The following FOXP2 variants were observed in gnomAD, a reference collection of about 807,000 sequenced individuals.
FOXP2 encodes forkhead box protein P2.
Under a neutral mutation model 115.8 loss-of-function variants are expected in FOXP2, and 12 were observed. The observed-to-expected ratio is 0.10, with a 90% CI of 0.07 to 0.17. The LOEUF (loss-of-function observed/expected upper bound fraction) is 0.17, where lower values mean the gene tolerates loss of function less well. FOXP2 is among the 10% of genes least tolerant of loss of function. The pLI, the probability that FOXP2 is intolerant of heterozygous loss-of-function variation, is 1.00. For missense variants in FOXP2, 629 were observed against 843.5 expected (o/e 0.75, Z 3.15); for synonymous variants, 328 against 297.7 (o/e 1.10, Z -1.05).
intron 1 of FOXP2, among the ~76,000 whole-genome samples, chr7:114,108,948 A>G (rs550948793): frequency 6.6e-5 from 10 of 152,100 alleles, no homozygotes; most frequent in South Asian, 2.1e-4. Flanking sequence ...AGGCCTTCAC[A>G]TTTAACATAT....
chr7:114,619,854 A>G (rs1804150645), intron 3 of FOXP2, among the ~76,000 whole-genome samples: 1 of 152,104 alleles, frequency 6.6e-6, no homozygotes, highest in African/African-American at 2.4e-5. Flanking sequence ...TAGAAAAATG[A>G]TATCACCAAA....
intron 1 of FOXP2, among the ~76,000 whole-genome samples, chr7:114,417,556 G>A (rs571673320): frequency 6.6e-6 from 1 of 152,010 alleles, no homozygotes; most frequent in African/African-American, 2.4e-5. Context: ...ATGCAGTTAA[G>A]CAGTGGAATC....
intron 16 of FOXP2, among the ~76,000 whole-genome samples, chr7:114,682,243 C>T (rs180720157): frequency 2.0e-3 from 298 of 152,232 alleles, no homozygotes; most frequent in African/African-American, 6.1e-3. Flanking sequence ...CCACTATATT[C>T]TTAACCACTT....
chr7:114,480,447 GA>G (rs555049431), intron 2 of FOXP2, among the ~76,000 whole-genome samples: 2 of 150,614 alleles, frequency 1.3e-5, no homozygotes, highest in East Asian at 1.9e-4. Context: ...CTTTTATTCA[GA>G]AAAAAAAGAT....
At chr7:114,681,822 A>T (rs1466583768) in intron 16 of FOXP2, among the ~76,000 whole-genome samples, 1 of 152,184 alleles carries the variant, frequency 6.6e-6, no homozygotes, top group Non-Finnish European at 1.5e-5. Flanking sequence ...CAGGCATCTG[A>T]TATGTGAGGC....
intron 2 of FOXP2, among the ~76,000 whole-genome samples, chr7:114,354,975 T>A (rs138154632): frequency 9.9e-5 from 15 of 152,200 alleles, no homozygotes; most frequent in African/African-American, 3.6e-4. Flanking sequence ...TTTTCAATAC[T>A]GAATTCTCTT....
chr7:114,232,588 CG>C lies in FOXP2; in HGVS notation c.-101-55429del, dbSNP rs558533006. On this transcript the variant is annotated intron_variant, in intron 1 of 17. Transcript: ENST00000634411. ...CAGCACTTTGGGAGGCTTAGGCGGG[CG>C]GATCACCTGAGGTCAGGAGTTCGAG... 7.0e-3 allele frequency among the ~76,000 whole-genome samples: 1,071 copies of C among 152,020 alleles called. 6 individuals carry two copies. Among genetic ancestry groups the C allele is most frequent in the Non-Finnish European group, 0.011 (780 of 67,952 alleles).
chr7:114,319,262 ACT>A lies in FOXP2; in HGVS notation c.-11+31156_-11+31157del, dbSNP rs533866354. The stretch of plus-strand genomic sequence containing the variant: ...TGCTGTTTATACCTGCCTGACCATC[ACT>A]CTGGCTCTGGGAGCCTGCCTTTGTG... On this transcript the variant is annotated intron_variant, in intron 2 of 17. Transcript: ENST00000634411. 3.9e-5 allele frequency among the ~76,000 whole-genome samples: 6 copies of A among 152,006 alleles called. No individual in the cohort carries two copies. In the South Asian group the frequency reaches 1.2e-3, roughly 32 times the overall value.
intron 2 of FOXP2, among the ~76,000 whole-genome samples, chr7:114,450,999 TAAAAC>T (rs1379947755): frequency 6.6e-6 from 1 of 152,098 alleles, no homozygotes; most frequent in Admixed American, 6.6e-5. Flanking sequence ...AGCTTACTCT[TAAAAC>T]AATGTTATTT....
At chr7:114,677,577 T>G (rs1318278954) in intron 16 of FOXP2, among the ~76,000 whole-genome samples, 3 of 152,314 alleles carry the variant, frequency 2.0e-5, no homozygotes, top group African/African-American at 7.2e-5. Flanking sequence ...AAACTTTCCC[T>G]TTATAATTTG....
chr7:114,567,321 G>A (rs993140312), intron 3 of FOXP2, among the ~76,000 whole-genome samples: 1 of 152,008 alleles, frequency 6.6e-6, no homozygotes, highest in Non-Finnish European at 1.5e-5. Context: ...ATATGATGAT[G>A]TTACTTATTA....
chr7:114,196,617 G>T (rs1563001084), intron 1 of FOXP2, among the ~76,000 whole-genome samples: 1 of 152,152 alleles, frequency 6.6e-6, no homozygotes, highest in Non-Finnish European at 1.5e-5. Context: ...AGTTGTGTCA[G>T]TCATTTAAGA....
At chr7:114,173,995 AAATACT>A (rs1213808528) in intron 1 of FOXP2, among the ~76,000 whole-genome samples, 2 of 152,000 alleles carry the variant, frequency 1.3e-5, no homozygotes, top group Non-Finnish European at 2.9e-5. Context: ...TGTGAAAAAA[AAATACT>A]AATAATAATT....
intron 2 of FOXP2, among the ~76,000 whole-genome samples, chr7:114,305,609 T>C (rs1371061556): frequency 1.3e-5 from 2 of 152,142 alleles, no homozygotes; most frequent in African/African-American, 4.8e-5. Flanking sequence ...CCAGTCCTTA[T>C]ACATTTATGA....
At chr7:114,688,214 CACACACACACA>C in intron 16 of FOXP2, among the ~76,000 whole-genome samples, 1 of 68,472 alleles carries the variant, frequency 1.5e-5, no homozygotes. Flanking sequence ...TGCATACACA[CACACACACACA>C]CACACACACA....
At chr7:114,281,188 C>A (rs1409706992) in intron 1 of FOXP2, among the ~76,000 whole-genome samples, 1 of 150,304 alleles carries the variant, frequency 6.7e-6, no homozygotes, top group Non-Finnish European at 1.5e-5. Context: ...TGCAACCTCC[C>A]CCTCCCGGGT....
chr7:114,105,942 G>A (rs1791100601), intron 1 of FOXP2, among the ~76,000 whole-genome samples: 1 of 152,026 alleles, frequency 6.6e-6, no homozygotes, highest in African/African-American at 2.4e-5. Context: ...GAGAATCTGA[G>A]TCTTCAGAAT....
intron 2 of FOXP2, among the ~76,000 whole-genome samples, chr7:114,355,889 C>A (rs1319299879): frequency 1.3e-5 from 2 of 152,154 alleles, no homozygotes; most frequent in Non-Finnish European, 2.9e-5. Flanking sequence ...ATTAGCTTTT[C>A]AGCATGGATA....
At chr7:114,113,914 T>A (rs1791337790) in intron 1 of FOXP2, among the ~76,000 whole-genome samples, 1 of 151,994 alleles carries the variant, frequency 6.6e-6, no homozygotes, top group Non-Finnish European at 1.5e-5. Context: ...GGTTGAAAAA[T>A]TGTATTTAAG....
Sources: allele counts gnomAD v4.1 joint callset (sites outside exome capture counted in the v4.1 genomes callset), GRCh38; gene constraint gnomAD v4.1.1; transcripts MANE v1.5; gene names NCBI Gene and HGNC (gene_info 2026-07-23, HGNC 2026-07-21).